STAP1: variants seen among roughly 807,000 people sequenced by gnomAD.
The protein encoded by STAP1 is signal transducing adaptor family member 1, also known as signal-transducing adaptor protein 1.
A neutral mutation model predicts 37.8 loss-of-function variants in STAP1; 30 were observed. The observed-to-expected ratio is 0.79, with a 90% CI of 0.59 to 1.08. The LOEUF is 1.08. Among genes scored for constraint, STAP1 ranks in the 50% least tolerant of loss-of-function variants. The pLI, the probability that STAP1 is intolerant of heterozygous loss-of-function variation, is 0.00. For missense variants in STAP1, 357 were observed against 349.4 expected, an observed-to-expected ratio of 1.02 and a Z score of -0.17; for synonymous variants, 130 against 116.0, an observed-to-expected ratio of 1.12 and a Z score of -0.78.
In STAP1 at chr4:67,575,444, A is replaced by C. The variant is rs760270479; in HGVS notation, c.252A>C (p.Glu84Asp). ...GCCTTACTGAGCAGAATTCAACTGA[A>C]AAGAACTGTGCGAAATTCACCCTTG... is the stretch of plus-strand genomic sequence containing the variant. ...LTCLTEQNST[E>D]KNCAKFTLVL... The change falls in exon 3 of 9, where the codon GAA becomes GAC. Residue 84 changes from glutamate to aspartate, a missense_variant. Glu to Asp is a conservative substitution (Grantham distance 45, BLOSUM62 2). Coordinates refer to ENST00000265404, the MANE Select transcript of STAP1 (RefSeq NM_012108.4). The C allele has an allele frequency of 6.2e-7, 1 of 1,607,900 alleles. No individual in the cohort carries two copies. Among genetic ancestry groups the C allele is most frequent in the Non-Finnish European group, 8.5e-7 (1 of 1,178,162 alleles).
At chr4:67,563,754 T>G (rs1041795808) in intron 1 of STAP1, among the ~76,000 whole-genome samples, 2 of 151,984 alleles carry the variant, frequency 1.3e-5, no homozygotes, top group African/African-American at 4.8e-5. Flanking sequence ...GCCACAGAGG[T>G]TATTCAAGGT....
intron 6 of STAP1, among the ~76,000 whole-genome samples, chr4:67,586,979 A>G (rs1727999091): frequency 6.6e-6 from 1 of 152,244 alleles, no homozygotes; most frequent in Admixed American, 6.5e-5. Flanking sequence ...ATTCAACTGT[A>G]TTGCACAAAT....
At chr4:67,564,911 A>C (rs2109853789) in intron 1 of STAP1, among the ~76,000 whole-genome samples, 1 of 152,300 alleles carries the variant, frequency 6.6e-6, no homozygotes, top group South Asian at 2.1e-4. Context: ...AGGAGACTCC[A>C]TCTCAAAACA....
intron 8 of STAP1, among the ~76,000 whole-genome samples, chr4:67,594,864 C>A (rs926840752): frequency 1.3e-4 from 20 of 152,142 alleles, no homozygotes; most frequent in African/African-American, 4.3e-4. Context: ...CTATTTAAAT[C>A]TTTTGCCCAT....
At chr4:67,602,160 A>G (rs1185429967) in intron 8 of STAP1, among the ~76,000 whole-genome samples, 2 of 151,826 alleles carry the variant, frequency 1.3e-5, no homozygotes, top group East Asian at 1.9e-4. Context: ...CAGAATGTCA[A>G]TTTTTCAGGT....
At chr4:67,595,372 CAAAAAA>C (rs34185676) in intron 8 of STAP1, among the ~76,000 whole-genome samples, 27 of 87,788 alleles carry the variant, frequency 3.1e-4, no homozygotes, top group African/African-American at 9.6e-4. Context: ...TTCGTTTCTA[CAAAAAA>C]AAAAAAAAAA....
intron 1 of STAP1, among the ~76,000 whole-genome samples, chr4:67,570,743 G>A (rs1727586641): frequency 6.6e-6 from 1 of 151,532 alleles, no homozygotes; most frequent in Non-Finnish European, 1.5e-5. Context: ...AGAAAGGAGG[G>A]AGGAAGAAAG....
chr4:67,570,137 C>A (rs573340482), intron 1 of STAP1, among the ~76,000 whole-genome samples: 6 of 151,696 alleles, frequency 4.0e-5, no homozygotes, highest in African/African-American at 1.5e-4. Flanking sequence ...GGCTGCTTCA[C>A]TGTTAGTTAT....
At chr4:67,592,133 T>TG (rs1728131887) in intron 7 of STAP1, among the ~76,000 whole-genome samples, 1 of 151,528 alleles carries the variant, frequency 6.6e-6, no homozygotes, top group Non-Finnish European at 1.5e-5. Flanking sequence ...GTGATTTTTT[T>TG]TTTTAGAGAC....
chr4:67,562,777 C>T (rs1237845533), intron 1 of STAP1, among the ~76,000 whole-genome samples: 4 of 151,078 alleles, frequency 2.6e-5, no homozygotes, highest in Non-Finnish European at 4.4e-5. Context: ...ATCTCAAAAA[C>T]AACAAAAAAA....
intron 1 of STAP1, among the ~76,000 whole-genome samples, chr4:67,562,281 G>A (rs1298689616): frequency 1.6e-4 from 25 of 151,712 alleles, no homozygotes; most frequent in Non-Finnish European, 3.5e-4. Flanking sequence ...GGCGGAGGTT[G>A]CAGTGAGTCA....
intron 1 of STAP1, among the ~76,000 whole-genome samples, chr4:67,566,348 C>T (rs1349847620): frequency 6.6e-6 from 1 of 152,146 alleles, no homozygotes; most frequent in East Asian, 1.9e-4. Context: ...AAATGAAGAT[C>T]AGTTAGTTAC....
chr4:67,574,207 C>T (rs1461124904), intron 2 of STAP1, among the ~76,000 whole-genome samples: 1 of 151,922 alleles, frequency 6.6e-6, no homozygotes, highest in Non-Finnish European at 1.5e-5. Flanking sequence ...TTGTAATGTC[C>T]ATACAGACAA....
chr4:67,582,883 A>G (rs62301137), intron 5 of STAP1, among the ~76,000 whole-genome samples: 38,593 of 152,098 alleles, frequency 0.25, 5,455 homozygotes, highest in Non-Finnish European at 0.33. Context: ...TTGCTCATCA[A>G]TAGGCTAATG....
At chr4:67,602,962 C>T (rs1237809515) in intron 8 of STAP1, among the ~76,000 whole-genome samples, 1 of 152,066 alleles carries the variant, frequency 6.6e-6, no homozygotes, top group African/African-American at 2.4e-5. Context: ...GTGTCCTTCC[C>T]TTCAGATTGG....
chr4:67,562,035 G>C (rs1381042978), intron 1 of STAP1, among the ~76,000 whole-genome samples: 17 of 126,604 alleles, frequency 1.3e-4, no homozygotes, highest in African/African-American at 5.0e-4. Context: ...TCGCGCCACT[G>C]CACTCCAGCC....
At chr4:67,595,868 C>T (rs1728213997) in intron 8 of STAP1, among the ~76,000 whole-genome samples, 1 of 152,176 alleles carries the variant, frequency 6.6e-6, no homozygotes, top group Non-Finnish European at 1.5e-5. Flanking sequence ...GAAGAACTGA[C>T]ATCATAATAT....
chr4:67,605,035 A>G (rs1351000217), intron 8 of STAP1, among the ~76,000 whole-genome samples: 1 of 152,132 alleles, frequency 6.6e-6, no homozygotes, highest in South Asian at 2.1e-4. Context: ...CAGAACTAGG[A>G]AATAACTCTT....
chr4:67,595,132 T>C (rs539103217), intron 8 of STAP1, among the ~76,000 whole-genome samples: 2 of 152,296 alleles, frequency 1.3e-5, no homozygotes, highest in African/African-American at 4.8e-5. Context: ...TTAGAAGTGC[T>C]GTGATTTCAT....
Sources: gnomAD v4.1 joint callset for allele counts (sites outside exome capture counted in the v4.1 genomes callset) on GRCh38, gnomAD v4.1.1 for gene constraint, MANE v1.5 for transcripts, NCBI Gene and HGNC (gene_info 2026-07-23, HGNC 2026-07-21) for gene names.